The following OR1J2 variants were observed in gnomAD, a reference collection of about 807,000 sequenced individuals.
OR1J2 encodes olfactory receptor family 1 subfamily J member 2.
For missense variants in OR1J2, 304 were observed against 246.1 expected, an observed-to-expected ratio of 1.24 and a Z score of -1.57; for synonymous variants, 142 against 99.7, an observed-to-expected ratio of 1.42 and a Z score of -2.52.
chr9:122,520,506 A>G, the OR1J2 span, among the ~76,000 whole-genome samples: 2 of 152,082 alleles, frequency 1.3e-5, no homozygotes, highest in East Asian at 1.9e-4. Context: ...GGGTAAGGAG[A>G]AGAAACTATA....
chr9:122,488,953 C>G, the OR1J2 span, among the ~76,000 whole-genome samples: 1 of 151,972 alleles, frequency 6.6e-6, no homozygotes, highest in South Asian at 2.1e-4. Flanking sequence ...TTGCTGCACC[C>G]ATTACCCATC....
the OR1J2 span, chr9:122,527,280 G>T: frequency 6.2e-7 from 1 of 1,606,470 alleles, no homozygotes; most frequent in African/African-American, 1.3e-5. Flanking sequence ...AGAAATGCTG[G>T]ATTGGTTTTC....
chr9:122,520,514 A>G, the OR1J2 span, among the ~76,000 whole-genome samples: 1 of 152,314 alleles, frequency 6.6e-6, no homozygotes, highest in East Asian at 1.9e-4. Flanking sequence ...AGAAGAAACT[A>G]TATAGTACCC....
At chr9:122,452,402 A>T in the OR1J2 span, among the ~76,000 whole-genome samples, 2 of 152,142 alleles carry the variant, frequency 1.3e-5, no homozygotes, top group Non-Finnish European at 2.9e-5. Flanking sequence ...CATATGCCAT[A>T]GGTTAGGTTG....
the OR1J2 span, chr9:122,567,804 G>A: frequency 1.2e-6 from 2 of 1,613,958 alleles, no homozygotes; most frequent in African/African-American, 2.7e-5. Context: ...CTTGAGAACT[G>A]TAGTGAGGAT....
chr9:122,521,117 A>G, the OR1J2 span, among the ~76,000 whole-genome samples: 164 of 152,358 alleles, frequency 1.1e-3, no homozygotes, highest in Non-Finnish European at 1.3e-3. Context: ...GTATAGGTGA[A>G]AAAAGTTCTG....
At chr9:122,547,435 T>A in the OR1J2 span, among the ~76,000 whole-genome samples, 1 of 152,208 alleles carries the variant, frequency 6.6e-6, no homozygotes, top group Non-Finnish European at 1.5e-5. Context: ...TACCTGTAAA[T>A]ATTGCATGGT....
At chr9:122,507,875 G>A (rs1312993757), upstream of OR1J2, among the ~76,000 whole-genome samples, 1 of 152,078 alleles carries the variant, frequency 6.6e-6, no homozygotes, top group Non-Finnish European at 1.5e-5. Context: ...TGTACTAGGG[G>A]TTTCAAATAT....
chr9:122,526,400 G>A, the OR1J2 span: 328 of 1,509,338 alleles, frequency 2.2e-4, no homozygotes, highest in African/African-American at 4.1e-3. Flanking sequence ...GCCTCTTTAG[G>A]GCCCCCTTCA....
chr9:122,554,746 G>T, the OR1J2 span, among the ~76,000 whole-genome samples: 1 of 152,074 alleles, frequency 6.6e-6, no homozygotes, highest in Non-Finnish European at 1.5e-5. Flanking sequence ...AGGAGAAAAA[G>T]AATTAATATA....
the OR1J2 span, among the ~76,000 whole-genome samples, chr9:122,562,295 C>G: frequency 6.6e-6 from 1 of 152,248 alleles, no homozygotes; most frequent in African/African-American, 2.4e-5. Context: ...CTGCCCCTCC[C>G]GCAGGGAGCT....
the OR1J2 span, among the ~76,000 whole-genome samples, chr9:122,570,159 T>C: frequency 2.0e-5 from 3 of 149,772 alleles, no homozygotes; most frequent in Admixed American, 6.7e-5. Context: ...TGTGTCTTTA[T>C]AGCAGCATGA....
chr9:122,498,924 G>A, the OR1J2 span, among the ~76,000 whole-genome samples: 1 of 152,144 alleles, frequency 6.6e-6, no homozygotes, highest in Non-Finnish European at 1.5e-5. Context: ...AGCTCCATGT[G>A]CTTCTTTTGG....
chr9:122,465,506 C>T, the OR1J2 span, among the ~76,000 whole-genome samples: 2 of 152,172 alleles, frequency 1.3e-5, no homozygotes, highest in South Asian at 4.1e-4. Flanking sequence ...ATAGCTATAG[C>T]ACACCCAAAC....
chr9:122,452,861 T>G, the OR1J2 span, among the ~76,000 whole-genome samples: 2 of 150,864 alleles, frequency 1.3e-5, no homozygotes. Context: ...AAACCCCATC[T>G]CTACTAAAAA....
At chr9:122,517,490 C>T in the OR1J2 span, among the ~76,000 whole-genome samples, 2 of 152,192 alleles carry the variant, frequency 1.3e-5, no homozygotes. Context: ...TAAGCCTATC[C>T]TTAACCTGTA....
the OR1J2 span, among the ~76,000 whole-genome samples, chr9:122,503,709 T>G: frequency 1.3e-5 from 2 of 152,306 alleles, no homozygotes; most frequent in Non-Finnish European, 2.9e-5. Context: ...GAACTTCCAC[T>G]CTTACTCCCT....
the OR1J2 span, among the ~76,000 whole-genome samples, chr9:122,499,752 T>C: frequency 1.2e-3 from 181 of 152,146 alleles, 1 homozygote; most frequent in African/African-American, 4.3e-3. Flanking sequence ...CCAGGAAGGG[T>C]TGGGCAGCTC....
downstream of OR1J2, among the ~76,000 whole-genome samples, chr9:122,513,067 G>A (rs757466727): frequency 5.6e-4 from 85 of 152,042 alleles, no homozygotes; most frequent in Non-Finnish European, 1.1e-3. Flanking sequence ...ATGTTAAATG[G>A]TGTCATTCAT....
Sources: gnomAD v4.1 joint callset for allele counts (sites outside exome capture counted in the v4.1 genomes callset) on GRCh38, gnomAD v4.1.1 for gene constraint, MANE v1.5 for transcripts, NCBI Gene and HGNC (gene_info 2026-07-23, HGNC 2026-07-21) for gene names.